Variants in HS6ST2 observed in about 807,000 individuals in gnomAD.
HS6ST2 encodes the protein heparan-sulfate 6-O-sulfotransferase 2.
Under a neutral mutation model 33.0 loss-of-function variants are expected in HS6ST2, and 17 were observed. The observed-to-expected ratio is 0.52, with a 90% CI of 0.35 to 0.77. The LOEUF (loss-of-function observed/expected upper bound fraction) is 0.77, where lower values mean the gene tolerates loss of function less well. Among genes scored for constraint, HS6ST2 ranks in the 30% least tolerant of loss-of-function variants. The pLI is 0.01. For synonymous variants in HS6ST2, 248 were observed against 237.1 expected, an observed-to-expected ratio of 1.05 and a Z score of -0.42; for missense variants, 519 against 551.7, an observed-to-expected ratio of 0.94 and a Z score of 0.59.
chrX:132,897,990 G>A (rs922274194), intron 2 of HS6ST2, among the ~76,000 whole-genome samples: 2 of 111,430 alleles, frequency 1.8e-5, no homozygotes, highest in African/African-American at 6.5e-5. Flanking sequence ...ACAGCAGGTG[G>A]TGAGCAGCGG....
intron 2 of HS6ST2, among the ~76,000 whole-genome samples, chrX:132,954,744 G>A (rs1256850944): frequency 8.9e-6 from 1 of 112,114 alleles, no homozygotes; most frequent in African/African-American, 3.2e-5. Flanking sequence ...TTAGAACATG[G>A]TTGCTCTTTG....
chrX:132,945,301 T>C (rs1436085072), intron 2 of HS6ST2, among the ~76,000 whole-genome samples: 1 of 111,558 alleles, frequency 9.0e-6, no homozygotes, highest in Non-Finnish European at 1.9e-5. Context: ...AAAACCACAA[T>C]GAGATACCAT....
chrX:132,838,000 C>T (rs2065662091), intron 2 of HS6ST2, among the ~76,000 whole-genome samples: 1 of 112,383 alleles, frequency 8.9e-6, no homozygotes, highest in African/African-American at 3.2e-5. Context: ...TAGTTGCCAT[C>T]ATCAAGTGGT....
chrX:132,633,108 G>A (rs2063530450), intron 4 of HS6ST2, among the ~76,000 whole-genome samples: 1 of 106,704 alleles, frequency 9.4e-6, no homozygotes, highest in Non-Finnish European at 1.9e-5. Context: ...GAGTCAAGGA[G>A]AGAGGAAAGG....
At chrX:132,692,944 G>T (rs1248984419) in intron 3 of HS6ST2, among the ~76,000 whole-genome samples, 1 of 110,742 alleles carries the variant, frequency 9.0e-6, no homozygotes. Context: ...GCAAATGTTT[G>T]TTGAATGAGC....
At chrX:132,724,571 C>T (rs1022670737) in intron 2 of HS6ST2, among the ~76,000 whole-genome samples, 1 of 111,529 alleles carries the variant, frequency 9.0e-6, no homozygotes, top group Admixed American at 9.5e-5. Flanking sequence ...TTAAAACGTC[C>T]ATACTACCAA....
intron 2 of HS6ST2, among the ~76,000 whole-genome samples, chrX:132,827,069 T>A (rs1248407338): frequency 1.8e-5 from 2 of 111,412 alleles, no homozygotes; most frequent in African/African-American, 6.5e-5. Context: ...TGACCAATGT[T>A]GGATAATTAT....
chrX:132,913,106 T>G (rs755037224), intron 2 of HS6ST2, among the ~76,000 whole-genome samples: 4 of 111,161 alleles, frequency 3.6e-5, no homozygotes, highest in African/African-American at 1.3e-4. Context: ...TCGAGTCCCC[T>G]CTCTACTGAG....
rs1050798883 is a variant in HS6ST2 at position 132,791,248 on chromosome X, A to T, written c.948-82754T>A. On this transcript the variant is annotated intron_variant, in intron 2 of 4. Coordinates refer to ENST00000370833, the MANE Select transcript of HS6ST2 (RefSeq NM_001394073.1). ...TTCTCACTGTATAGTATTTTGGGTA[A>T]TATATTCTGGGAACCACCCTCAGAA... Among the ~76,000 whole-genome samples the T allele has an allele frequency of 2.7e-5, 3 of 112,398 alleles. No homozygotes were observed. In the Admixed American group the frequency reaches 2.8e-4, roughly 11 times the overall value.
intron 3 of HS6ST2, among the ~76,000 whole-genome samples, chrX:132,670,223 TTG>T (rs1017572743): frequency 5.4e-5 from 6 of 111,916 alleles, no homozygotes; most frequent in African/African-American, 2.0e-4. Context: ...GCAAAGAATA[TTG>T]TCTCAGAAAA....
chrX:132,768,309 C>T (rs10449072), intron 2 of HS6ST2, among the ~76,000 whole-genome samples: 2 of 90,331 alleles, frequency 2.2e-5, no homozygotes, highest in South Asian at 1.2e-3. Flanking sequence ...GTACTCCAGC[C>T]TGGGTGACAG....
At chrX:132,822,120 G>T (rs909175661) in intron 2 of HS6ST2, among the ~76,000 whole-genome samples, 6 of 111,919 alleles carry the variant, frequency 5.4e-5, no homozygotes, top group Non-Finnish European at 1.1e-4. Flanking sequence ...AACAGGTGAG[G>T]GTACTGAGCC....
At chrX:132,847,363 C>T (rs1042884960) in intron 2 of HS6ST2, among the ~76,000 whole-genome samples, 9 of 111,203 alleles carry the variant, frequency 8.1e-5, no homozygotes, top group Non-Finnish European at 1.3e-4. Context: ...CAGTAGTATA[C>T]CATCCCCCAA....
At chrX:132,880,569 T>A (rs2066157849) in intron 2 of HS6ST2, among the ~76,000 whole-genome samples, 1 of 109,088 alleles carries the variant, frequency 9.2e-6, no homozygotes, top group African/African-American at 3.3e-5. Flanking sequence ...AAGAATCTTA[T>A]CTGGGAAGAT....
intron 2 of HS6ST2, among the ~76,000 whole-genome samples, chrX:132,743,051 C>T (rs1314252274): frequency 1.8e-5 from 2 of 112,059 alleles, no homozygotes; most frequent in African/African-American, 6.5e-5. Flanking sequence ...TGATTAAGCA[C>T]CATCATGTGT....
intron 2 of HS6ST2, among the ~76,000 whole-genome samples, chrX:132,881,421 T>C (rs1276516877): frequency 8.9e-6 from 1 of 112,227 alleles, no homozygotes; most frequent in African/African-American, 3.2e-5. Context: ...TGCATAAATG[T>C]CTTCTTTTGA....
At chrX:132,795,782 A>G (rs183090381) in intron 2 of HS6ST2, among the ~76,000 whole-genome samples, 18 of 110,308 alleles carry the variant, frequency 1.6e-4, no homozygotes, top group Non-Finnish European at 3.2e-4. Flanking sequence ...AACTTTTGTA[A>G]TTTTTTGGTA....
At chrX:132,651,767 G>T (rs243439) in intron 4 of HS6ST2, among the ~76,000 whole-genome samples, 16,553 of 110,960 alleles carry the variant, frequency 0.15, 917 homozygotes, top group African/African-American at 0.17. Flanking sequence ...GTTCACTGCT[G>T]GGCCTGCCTG....
At chrX:132,880,761 A>G (rs2066161551) in intron 2 of HS6ST2, among the ~76,000 whole-genome samples, 1 of 101,031 alleles carries the variant, frequency 9.9e-6, no homozygotes, top group South Asian at 5.5e-4. Flanking sequence ...ATATCTCCTA[A>G]TGCTATCCCT....
Sources: allele counts gnomAD v4.1 joint callset (sites outside exome capture counted in the v4.1 genomes callset), GRCh38; gene constraint gnomAD v4.1.1; transcripts MANE v1.5; gene names NCBI Gene and HGNC (gene_info 2026-07-23, HGNC 2026-07-21).